OR8J1: variants seen among roughly 807,000 people sequenced by gnomAD.
The protein encoded by OR8J1 is olfactory receptor family 8 subfamily J member 1, also known as olfactory receptor 8J1.
For synonymous variants in OR8J1, 157 were observed against 144.3 expected, an observed-to-expected ratio of 1.09 and a Z score of -0.63; for missense variants, 400 against 373.0, an observed-to-expected ratio of 1.07 and a Z score of -0.60.
At chr11:56,359,217 T>A (rs1466233009) in intron 1 of OR8J1, among the ~76,000 whole-genome samples, 1 of 152,054 alleles carries the variant, frequency 6.6e-6, no homozygotes, top group Non-Finnish European at 1.5e-5. Flanking sequence ...TAGAAGATTA[T>A]CCTAAATATA....
Position 56,360,819 on chromosome 11 carries a change from T to C in OR8J1, c.573T>C (p.Asp191=). 4 of 1,542,974 alleles carry C rather than the reference T, an allele frequency of 2.6e-6. No individual in the cohort carries two copies. The highest frequency in any genetic ancestry group is 1.3e-5 in the South Asian group (1 of 76,604). The part of the protein sequence containing the change: ...NVPLLALSCS[D]TYLPETVVFI... ...CTCTGTTAGCATTATCTTGCTCTGA[T>C]ACTTACTTACCAGAAACAGTTGTCT... is the stretch of plus-strand genomic sequence containing the variant. The change falls in exon 2 of 2, where the codon GAT becomes GAC. Residue 191 remains aspartate (D), a synonymous_variant. Transcript: ENST00000533152.
chr11:56,361,212 G>A lies in OR8J1; in HGVS notation c.*15G>A. On this transcript the variant is annotated 3_prime_UTR_variant, in exon 2 of 2. Transcript: ENST00000533152. Reference sequence around the variant, plus strand: ...AAACAATGTAATTTTAAACAGTACAGGTAAATGAGGAGAGAGTTAATATAA... The same window carrying A: ...AAACAATGTAATTTTAAACAGTACAAGTAAATGAGGAGAGAGTTAATATAA... The A allele has an allele frequency of 9.4e-7, 1 of 1,060,628 alleles. No homozygotes were observed. The highest frequency in any genetic ancestry group is 1.3e-6 in the Non-Finnish European group (1 of 795,142). The allele number at this position is 1,060,628 out of a possible 1,614,324, so 65.7% of individuals were successfully genotyped here.
At chr11:56,355,803 T>C (rs1854960287) in intron 1 of OR8J1, among the ~76,000 whole-genome samples, 1 of 152,214 alleles carries the variant, frequency 6.6e-6, no homozygotes, top group African/African-American at 2.4e-5. Flanking sequence ...CATTTTTAAA[T>C]ACTACAAAAT....
chr11:56,358,552 T>A (rs1255934548), intron 1 of OR8J1, among the ~76,000 whole-genome samples: 3 of 152,010 alleles, frequency 2.0e-5, no homozygotes, highest in African/African-American at 7.2e-5. Flanking sequence ...GGGCTTCCCA[T>A]CTTAAAATAA....
rs1852604789 is a variant in OR8J1 at position 56,359,476 on chromosome 11, CTA to C, written c.-20-749_-20-748del. The stretch of plus-strand genomic sequence containing the variant: ...TTAAACATAAAATACAAAGTGAAAA[CTA>C]TGAGGAGCTGTAAAAACTTGTGAAA... On this transcript the variant is annotated intron_variant, in intron 1 of 1. Transcript: ENST00000533152. Among the ~76,000 whole-genome samples the C allele has an allele frequency of 2.0e-5, 3 of 151,638 alleles. No individual in the cohort carries two copies. The East Asian group carries it at 5.8e-4, about 29-fold the overall frequency.
At chr11:56,355,048 C>T (rs1854949096) in intron 1 of OR8J1, among the ~76,000 whole-genome samples, 1 of 152,020 alleles carries the variant, frequency 6.6e-6, no homozygotes, top group South Asian at 2.1e-4. Flanking sequence ...GGGACAAAAT[C>T]TCTATAACAT....
chr11:56,357,619 A>G (rs1342874404), intron 1 of OR8J1: 4 of 1,343,436 alleles, frequency 3.0e-6, no homozygotes, highest in Non-Finnish European at 4.2e-6. Context: ...GCTGCAGCCT[A>G]TTGTACTTGC....
intron 1 of OR8J1, among the ~76,000 whole-genome samples, chr11:56,359,411 T>A (rs1852604311): frequency 6.6e-6 from 1 of 151,708 alleles, no homozygotes; most frequent in South Asian, 2.1e-4. Flanking sequence ...ACTTTATAAG[T>A]GGTAAAAATA....
At position 56,357,698 on chromosome 11, in the gene OR8J1, G is replaced by A. The variant is rs372964445; in HGVS notation, c.-20-2529G>A. 124 of 1,584,626 alleles carry A rather than the reference G, an allele frequency of 7.8e-5. No individual in the cohort carries two copies. The African/African-American group carries it at 1.5e-3, about 19-fold the overall frequency. ...AGATCTATGAAGGCCAAGTGGAGGC[G>A]ACTAGTGATGAATACAATGTGGAAA... On this transcript the variant is annotated intron_variant, in intron 1 of 1. Coordinates refer to ENST00000533152, the MANE Select transcript of OR8J1 (RefSeq NM_001005205.3).
chr11:56,357,665 C>T, intron 1 of OR8J1: 1 of 1,566,080 alleles, frequency 6.4e-7, no homozygotes, highest in Non-Finnish European at 8.7e-7. Context: ...ATAGGTTTGG[C>T]ATGGACAAGA....
At chr11:56,357,428 C>G (rs1854983211) in intron 1 of OR8J1, 1 of 886,996 alleles carries the variant, frequency 1.1e-6, no homozygotes, top group Non-Finnish European at 1.9e-6. Context: ...CTCGGAAACG[C>G]TTGGTGATAC....
intron 1 of OR8J1, among the ~76,000 whole-genome samples, chr11:56,358,474 A>G (rs780457048): frequency 1.3e-5 from 2 of 152,142 alleles, no homozygotes; most frequent in Admixed American, 1.3e-4. Flanking sequence ...TGTTCTTCCT[A>G]TGATTCATTA....
rs141638344 is a variant in OR8J1, at chr11:56,360,693, C to A, written c.447C>A (p.Tyr149Ter). The change falls in exon 2 of 2, where the codon TAC becomes TAA. Residue 149 changes from tyrosine (Y) to a stop codon, truncating the protein, a stop_gained. Transcript: ENST00000533152. LOFTEE classifies it low-confidence loss of function (END_TRUNC). The stretch of plus-strand genomic sequence containing the variant: ...GCCTCCTGCTGGTCTCCCTCACATA[C>A]CTCTATGGCTTTTCTACAGCTATTG... ...RLCLLLVSLT[Y>*]LYGFSTAIVV... The A allele has an allele frequency of 1.9e-5, 30 of 1,612,434 alleles. No homozygotes were observed. The African/African-American group carries it at 2.9e-4, about 16-fold the overall frequency.
At chr11:56,357,056 C>T (rs1407848375) in intron 1 of OR8J1, among the ~76,000 whole-genome samples, 1 of 152,076 alleles carries the variant, frequency 6.6e-6, no homozygotes, top group Non-Finnish European at 1.5e-5. Context: ...TTGAGTGTCT[C>T]CATTTTAGCT....
At position 56,360,614 on chromosome 11, in the gene OR8J1, A is replaced by T; in HGVS notation, c.368A>T (p.Tyr123Phe). 2 of 1,613,176 alleles carry T rather than the reference A, an allele frequency of 1.2e-6. No individual in the cohort carries two copies. The highest frequency in any genetic ancestry group is 1.7e-6 in the Non-Finnish European group (2 of 1,179,658). ...IMLALMAYDR[Y>F]VAICNPLLYM... ...CTGGCTTTGATGGCCTATGACCGCT[A>T]TGTGGCTATTTGTAACCCTCTGCTG... The change falls in exon 2 of 2, where the codon TAT becomes TTT. Residue 123 changes from tyrosine (Y) to phenylalanine (F), a missense_variant. Tyr to Phe is a conservative substitution (Grantham distance 22). Coordinates refer to ENST00000533152, the MANE Select transcript of OR8J1 (RefSeq NM_001005205.3).
At chr11:56,357,580 AT>A in intron 1 of OR8J1, 1 of 1,060,142 alleles carries the variant, frequency 9.4e-7, no homozygotes, top group South Asian at 1.2e-5. Flanking sequence ...CTGCCAAAAT[AT>A]GGTGTGAAGG....
Position 56,361,420 on chromosome 11 carries a change from G to C in OR8J1, c.*223G>C, listed in dbSNP as rs114654324. ...AAAAAAAATGTTATTTACCAATTCT[G>C]CCTGGGATTAAGCAGGTAGACAGTT... On this transcript the variant is annotated 3_prime_UTR_variant, in exon 2 of 2. Coordinates refer to ENST00000533152, the MANE Select transcript of OR8J1 (RefSeq NM_001005205.3). 1,352 of 383,780 alleles carry C rather than the reference G, an allele frequency of 3.5e-3. 11 individuals carry two copies. The highest frequency in any genetic ancestry group is 0.025 in the African/African-American group (1,228 of 48,388). The allele number at this position is 383,780 out of a possible 1,614,324, so 23.8% of individuals were successfully genotyped here.
chr11:56,356,418 A>G, intron 1 of OR8J1, among the ~76,000 whole-genome samples: 1 of 152,234 alleles, frequency 6.6e-6, no homozygotes, highest in African/African-American at 2.4e-5. Flanking sequence ...GCAGAAACAG[A>G]GTATCTGATA....
chr11:56,354,469 G>A (rs1343147404), intron 1 of OR8J1, 144 bp downstream of exon 1: 1 of 152,108 alleles, frequency 6.6e-6, no homozygotes, highest in Non-Finnish European at 1.5e-5. Context: ...AAATAAGTTT[G>A]TTTTTCAGAT....
Sources: gnomAD v4.1 joint callset for allele counts (sites outside exome capture counted in the v4.1 genomes callset) on GRCh38, gnomAD v4.1.1 for gene constraint, MANE v1.5 for transcripts, NCBI Gene and HGNC (gene_info 2026-07-23, HGNC 2026-07-21) for gene names.